CECR2: variants seen among roughly 807,000 people sequenced by gnomAD.
The protein encoded by CECR2 is CECR2 histone acetyl-lysine reader, also known as chromatin remodeling regulator CECR2.
CECR2 carries 30 observed loss-of-function variants against 154.5 expected under a neutral mutation model. That is an observed-to-expected ratio of 0.19 (90% CI 0.15 to 0.26). The LOEUF is 0.26. Ranked by LOEUF, CECR2 falls within the 10% of genes least tolerant of loss-of-function variation. CECR2 has a pLI of 1.00. For missense variants in CECR2, 1,743 were observed against 1,829.3 expected (o/e 0.95, Z 0.86); for synonymous variants, 725 against 683.7 (o/e 1.06, Z -0.94).
intron 1 of CECR2, among the ~76,000 whole-genome samples, chr22:17,459,086 T>C (rs2054897209): frequency 6.6e-6 from 1 of 152,198 alleles, no homozygotes; most frequent in African/African-American, 2.4e-5. Context: ...CTTCTGATTA[T>C]TGAGTTACAC....
intron 1 of CECR2, among the ~76,000 whole-genome samples, chr22:17,430,266 C>G (rs16982443): frequency 0.026 from 3,958 of 152,178 alleles, 175 homozygotes; most frequent in African/African-American, 0.091. Flanking sequence ...TAACCTATAC[C>G]CGCATTTGTT....
At chr22:17,534,603 G>T (rs2056409007) in intron 9 of CECR2, 1 of 151,452 alleles carries the variant, frequency 6.6e-6, no homozygotes, top group Non-Finnish European at 1.5e-5. Flanking sequence ...CGCCTCCCGG[G>T]TTCACACCAT....
Position 17,542,752 on chromosome 22 carries a change from T to C in CECR2, c.2609T>C (p.Leu870Pro). ...TTGTTTGGAGCACCTGCCCAGGCTCTTCGGGGGGTGCAGGGAGGGGACTCC... is the reference window on the plus strand; with the variant it reads ...TTGTTTGGAGCACCTGCCCAGGCTCCTCGGGGGGTGCAGGGAGGGGACTCC... ...SSLFGAPAQALRGVQGGDSMM... is the reference protein window; with the variant it reads ...SSLFGAPAQAPRGVQGGDSMM... The change falls in exon 16 of 19, where the codon CTT (leucine) becomes CCT (proline). Residue 870 changes from leucine (L) to proline (P), a missense_variant. Leu to Pro is a moderately conservative substitution (Grantham distance 98). Coordinates refer to ENST00000262608, the MANE Select transcript of CECR2 (RefSeq NM_001290047.2). The C allele has an allele frequency of 6.2e-7, 1 of 1,614,016 alleles. No individual in the cohort carries two copies. Among genetic ancestry groups the C allele is most frequent in the Non-Finnish European group, 8.5e-7 (1 of 1,179,888 alleles).
Position 17,549,383 on chromosome 22 carries a change from C to T in CECR2, c.4096C>T (p.Pro1366Ser), listed in dbSNP as rs2056670063. 1 of 1,613,818 alleles carries T rather than the reference C, an allele frequency of 6.2e-7. No homozygotes were observed. Among genetic ancestry groups the T allele is most frequent in the South Asian group, 1.1e-5 (1 of 91,074 alleles). The change falls in exon 17 of 19, where the codon CCT becomes TCT. Residue 1366 changes from proline to serine, a missense_variant. Pro to Ser is a moderately conservative substitution (Grantham distance 74, BLOSUM62 -1). Transcript: ENST00000262608. ...CTTTCAGCCCAGGGCTTACTCTTCC[C>T]CTGTGGCTGCCCTCCCACCTCACCA... ...SHFQPRAYSSPVAALPPHHPG... is the reference protein window; with the variant it reads ...SHFQPRAYSSSVAALPPHHPG...
In CECR2 at chr22:17,446,363, G is replaced by T. The variant is rs142347417; in HGVS notation, c.127-31225G>T. The stretch of plus-strand genomic sequence containing the variant: ...GTTGGTTCCTTCCGGTGGGTTCTTG[G>T]TCTCACTGACATCAAGAACGAAGCC... On this transcript the variant is annotated intron_variant, in intron 1 of 18. Transcript: ENST00000262608. 1.9e-4 allele frequency among the ~76,000 whole-genome samples: 29 copies of T among 152,252 alleles called. No individual in the cohort carries two copies. The East Asian group carries it at 5.2e-3, about 27-fold the overall frequency.
chr22:17,489,130 C>T (rs2055478901), intron 2 of CECR2, among the ~76,000 whole-genome samples: 1 of 152,132 alleles, frequency 6.6e-6, no homozygotes, highest in Non-Finnish European at 1.5e-5. Context: ...GACGGGGTTT[C>T]ACCATGTTAA....
At chr22:17,510,350 A>G (rs772070876) in intron 7 of CECR2, among the ~76,000 whole-genome samples, 1 of 152,056 alleles carries the variant, frequency 6.6e-6, no homozygotes. Flanking sequence ...AATAATCGCT[A>G]TCTCAGTGCT....
chr22:17,494,756 A>G (rs1301591248), intron 2 of CECR2, among the ~76,000 whole-genome samples: 2 of 152,126 alleles, frequency 1.3e-5, no homozygotes, highest in Non-Finnish European at 2.9e-5. Context: ...GTGCAGGGGC[A>G]CAATCTCGGC....
At chr22:17,449,621 C>T (rs1440125969) in intron 1 of CECR2, among the ~76,000 whole-genome samples, 1 of 150,864 alleles carries the variant, frequency 6.6e-6, no homozygotes, top group Non-Finnish European at 1.5e-5. Context: ...TCCCGAGTAG[C>T]TGGGACTACA....
chr22:17,527,502 C>G (rs952550350), intron 9 of CECR2, among the ~76,000 whole-genome samples: 1 of 151,974 alleles, frequency 6.6e-6, no homozygotes, highest in Non-Finnish European at 1.5e-5. Context: ...TGTGGTGGCT[C>G]ATGCTTGTAA....
chr22:17,378,612 G>T (rs536820691), intron 1 of CECR2, among the ~76,000 whole-genome samples: 1 of 152,310 alleles, frequency 6.6e-6, no homozygotes, highest in South Asian at 2.1e-4. Flanking sequence ...TAGCAGTATT[G>T]TTGGCCTCTA....
intron 16 of CECR2, among the ~76,000 whole-genome samples, chr22:17,544,805 G>A (rs2056584711): frequency 1.4e-5 from 1 of 73,274 alleles, no homozygotes; most frequent in Non-Finnish European, 2.3e-5. Context: ...GTGAGACTCT[G>A]TCTCAAAAAA....
chr22:17,376,746 C>T (rs1394708977), intron 1 of CECR2, among the ~76,000 whole-genome samples: 2 of 151,162 alleles, frequency 1.3e-5, no homozygotes, highest in African/African-American at 2.4e-5. Context: ...TCAGGTGATT[C>T]TCCTGCCTCA....
At chr22:17,461,195 C>G (rs1473586397) in intron 1 of CECR2, among the ~76,000 whole-genome samples, 1 of 152,204 alleles carries the variant, frequency 6.6e-6, no homozygotes, top group African/African-American at 2.4e-5. Flanking sequence ...AGGAAAGCTT[C>G]TCTTCTCTTT....
chr22:17,462,087 G>A (rs1477731078), intron 1 of CECR2, among the ~76,000 whole-genome samples: 3 of 151,694 alleles, frequency 2.0e-5, no homozygotes, highest in Non-Finnish European at 4.4e-5. Context: ...CACCATGCTC[G>A]GCAGTACCTG....
rs35473694 is a variant in CECR2 at position 17,449,483 on chromosome 22, C to CTTTTTTTTT, written c.127-28089_127-28081dup. 2.4e-4 allele frequency among the ~76,000 whole-genome samples: 17 copies of CTTTTTTTTT among 71,462 alleles called. 1 individual carries two copies. The highest frequency in any genetic ancestry group is 8.9e-4 in the East Asian group (2 of 2,236). The allele number at this position is 71,462 out of a possible 152,430, so 46.9% of individuals were successfully genotyped here. ...CCGCACATCTAATTGGTAACCAGTT[C>CTTTTTTTTT]TTTTTTTTTTTTTTTTTTTTTTTTG... is the stretch of plus-strand genomic sequence containing the variant. On this transcript the variant is annotated intron_variant, in intron 1 of 18. Transcript: ENST00000262608.
At chr22:17,400,094 C>G (rs1271908279) in intron 1 of CECR2, among the ~76,000 whole-genome samples, 2 of 152,090 alleles carry the variant, frequency 1.3e-5, no homozygotes, top group Non-Finnish European at 2.9e-5. Flanking sequence ...ATTTGGCTTC[C>G]CCATTAGTCT....
intron 1 of CECR2, among the ~76,000 whole-genome samples, chr22:17,408,496 C>G (rs2054018325): frequency 6.6e-6 from 1 of 152,080 alleles, no homozygotes; most frequent in Non-Finnish European, 1.5e-5. Flanking sequence ...AAATTCTAGC[C>G]CACATGTTGT....
chr22:17,543,032 T>G, intron 16 of CECR2, 29 bp downstream of exon 16: 2 of 1,561,254 alleles, frequency 1.3e-6, no homozygotes, highest in Non-Finnish European at 8.7e-7. Context: ...TTGGGCTCTT[T>G]AAGCTCTTGT....
Sources: allele counts gnomAD v4.1 joint callset (sites outside exome capture counted in the v4.1 genomes callset), GRCh38; gene constraint gnomAD v4.1.1; transcripts MANE v1.5; gene names NCBI Gene and HGNC (gene_info 2026-07-23, HGNC 2026-07-21).